Variants in PTK2B observed in about 807,000 individuals in gnomAD.
The protein encoded by PTK2B is protein tyrosine kinase 2 beta, also known as protein-tyrosine kinase 2-beta.
PTK2B carries 71 observed loss-of-function variants against 142.9 expected under a neutral mutation model. The observed-to-expected ratio is 0.50, with a 90% confidence interval of 0.41 to 0.61. PTK2B has a LOEUF of 0.61. Ranked by LOEUF, PTK2B falls within the 20% of genes least tolerant of loss-of-function variation. PTK2B has a pLI of 0.00. For synonymous variants in PTK2B, 519 were observed against 503.4 expected (o/e 1.03, Z -0.42); for missense variants, 1,105 against 1,320.4 (o/e 0.84, Z 2.53).
At chr8:27,405,094 A>C (rs1260123430) in intron 2 of PTK2B, among the ~76,000 whole-genome samples, 1 of 139,864 alleles carries the variant, frequency 7.1e-6, no homozygotes, top group African/African-American at 2.7e-5. Flanking sequence ...CAGAAGGAGA[A>C]GGTGTACTTC....
At chr8:27,367,424 T>C (rs767884797) in intron 1 of PTK2B, among the ~76,000 whole-genome samples, 1 of 152,192 alleles carries the variant, frequency 6.6e-6, no homozygotes. Context: ...TGTCTGGGCT[T>C]GCCCACCTGT....
At chr8:27,348,993 C>T (rs1369848412) in intron 1 of PTK2B, among the ~76,000 whole-genome samples, 1 of 152,134 alleles carries the variant, frequency 6.6e-6, no homozygotes, top group Non-Finnish European at 1.5e-5. Context: ...TTTCCAACAC[C>T]CCATCAGGCA....
intron 1 of PTK2B, among the ~76,000 whole-genome samples, chr8:27,326,024 T>C (rs1803390836): frequency 6.6e-6 from 1 of 151,936 alleles, no homozygotes; most frequent in Admixed American, 6.6e-5. Context: ...AAAGCTCAGG[T>C]TAGGGAGCCA....
At chr8:27,317,971 G>A (rs1015027276) in intron 3 of PTK2B, among the ~76,000 whole-genome samples, 1 of 152,128 alleles carries the variant, frequency 6.6e-6, no homozygotes, top group African/African-American at 2.4e-5. Context: ...CATTTTGAAT[G>A]GGAATATTTC....
rs1810739504 is a variant in PTK2B at position 27,435,807 on chromosome 8, C to G, written c.1243+14C>G. 2 of 1,613,000 alleles carry G rather than the reference C, an allele frequency of 1.2e-6. No homozygotes were observed. The highest frequency in any genetic ancestry group is 1.7e-6 in the Non-Finnish European group (2 of 1,179,014). On this transcript the variant is annotated intron_variant, in intron 14 of 30. Transcript: ENST00000346049. Reference sequence around the variant, plus strand: ...GAAGGCCCGGAGGTAGGTTCTCGACCCCGCCACAGCGACCGTAGTCAAGGC... The same window carrying G: ...GAAGGCCCGGAGGTAGGTTCTCGACGCCGCCACAGCGACCGTAGTCAAGGC...
Position 27,350,993 on chromosome 8 carries a change from ATATAT to A in PTK2B, c.-38+25313_-38+25317del, listed in dbSNP as rs1805043857. On this transcript the variant is annotated intron_variant, in intron 1 of 30. Coordinates refer to ENST00000346049, the MANE Select transcript of PTK2B (RefSeq NM_173176.3). ...TCCGTCTCAAAAAAAAAAAAAAAAT[ATATAT>A]ATATATATATATATATATATATATA... 2.3e-3 allele frequency among the ~76,000 whole-genome samples: 26 copies of A among 11,456 alleles called. 5 individuals are homozygous for A. The highest frequency in any genetic ancestry group is 3.1e-3 in the Non-Finnish European group (18 of 5,892). The allele number at this position is 11,456 out of a possible 152,430, so 7.5% of individuals were successfully genotyped here.
chr8:27,387,629 C>T (rs897311985), intron 1 of PTK2B, among the ~76,000 whole-genome samples: 4 of 152,112 alleles, frequency 2.6e-5, no homozygotes, highest in South Asian at 2.1e-4. Flanking sequence ...GAGGTGGGAT[C>T]GTGTGTGCAG....
intron 10 of PTK2B, among the ~76,000 whole-genome samples, chr8:27,432,714 GT>G (rs1563282664): frequency 6.6e-6 from 1 of 151,886 alleles, no homozygotes; most frequent in Non-Finnish European, 1.5e-5. Flanking sequence ...GGGTTTTTTT[GT>G]TTGTTTGTTT....
At chr8:27,382,555 T>C (rs1337919344) in intron 1 of PTK2B, among the ~76,000 whole-genome samples, 1 of 151,302 alleles carries the variant, frequency 6.6e-6, no homozygotes, top group Non-Finnish European at 1.5e-5. Flanking sequence ...ATGCTGTCTC[T>C]GTTTTTTTTT....
upstream of PTK2B, among the ~76,000 whole-genome samples, chr8:27,321,292 G>C (rs904944079): frequency 3.3e-5 from 5 of 151,952 alleles, no homozygotes; most frequent in East Asian, 7.7e-4. Context: ...CACCATGCCT[G>C]GCCTCAAAAA....
At chr8:27,447,529 T>C (rs1309459955) in intron 24 of PTK2B, among the ~76,000 whole-genome samples, 2 of 152,190 alleles carry the variant, frequency 1.3e-5, no homozygotes, top group East Asian at 3.8e-4. Flanking sequence ...GGCAGCAGTC[T>C]CTCTCCTGAA....
intron 1 of PTK2B, among the ~76,000 whole-genome samples, chr8:27,345,670 G>T (rs1296374337): frequency 2.6e-5 from 4 of 152,238 alleles, no homozygotes; most frequent in Admixed American, 6.5e-5. Context: ...TAACCTATTT[G>T]TGCAGACTTC....
intron 2 of PTK2B, among the ~76,000 whole-genome samples, chr8:27,408,285 T>C (rs1157740058): frequency 6.6e-6 from 1 of 152,204 alleles, no homozygotes; most frequent in Non-Finnish European, 1.5e-5. Context: ...CTGACCTACA[T>C]TGTTGGACTA....
intron 1 of PTK2B, among the ~76,000 whole-genome samples, chr8:27,329,406 A>G (rs2322606): frequency 0.79 from 120,050 of 151,964 alleles, 48,019 homozygotes; most frequent in Middle Eastern, 0.87. Flanking sequence ...AGCTCCATGT[A>G]CCCCAAATAC....
At chr8:27,316,179 T>G (rs559969337) in intron 3 of PTK2B, among the ~76,000 whole-genome samples, 1 of 152,314 alleles carries the variant, frequency 6.6e-6, no homozygotes, top group South Asian at 2.1e-4. Flanking sequence ...TGCCAAGCAC[T>G]GCCAGATTTC....
At chr8:27,375,844 G>A (rs553071482) in intron 1 of PTK2B, among the ~76,000 whole-genome samples, 5 of 152,328 alleles carry the variant, frequency 3.3e-5, no homozygotes, top group South Asian at 2.1e-4. Context: ...AGAGCCGTGG[G>A]CTGCACTGGT....
chr8:27,389,661 C>T (rs1489341707), intron 1 of PTK2B, among the ~76,000 whole-genome samples: 2 of 152,222 alleles, frequency 1.3e-5, no homozygotes, highest in African/African-American at 2.4e-5. Context: ...AAAGTCTCAA[C>T]AAATGCGTTT....
At chr8:27,414,543 G>T (rs530748914) in intron 2 of PTK2B, among the ~76,000 whole-genome samples, 4 of 134,316 alleles carry the variant, frequency 3.0e-5, no homozygotes, top group African/African-American at 1.1e-4. Flanking sequence ...ACCGCGCCTG[G>T]CCGGGCTGTC....
At chr8:27,348,301 G>A (rs772964080) in intron 1 of PTK2B, among the ~76,000 whole-genome samples, 8 of 152,150 alleles carry the variant, frequency 5.3e-5, no homozygotes, top group East Asian at 1.9e-4. Flanking sequence ...GTTTCCAGCC[G>A]TGCGGGAGTA....
Sources: gnomAD v4.1 joint callset for allele counts (sites outside exome capture counted in the v4.1 genomes callset) on GRCh38, gnomAD v4.1.1 for gene constraint, MANE v1.5 for transcripts, NCBI Gene and HGNC (gene_info 2026-07-23, HGNC 2026-07-21) for gene names.